The following CWC27 variants were observed in gnomAD, a reference collection of about 807,000 sequenced individuals.
CWC27 encodes CWC27 spliceosome associated cyclophilin, also known as spliceosome-associated protein CWC27 homolog.
Under a neutral mutation model 63.6 loss-of-function variants are expected in CWC27, and 47 were observed. That is an observed-to-expected ratio of 0.74 (90% CI 0.58 to 0.94). The LOEUF is 0.94. CWC27 is among the 40% of genes least tolerant of loss of function. CWC27 has a pLI of 0.00. For missense variants in CWC27, 495 were observed against 554.3 expected (o/e 0.89, Z 1.07); for synonymous variants, 175 against 179.8 (o/e 0.97, Z 0.22).
chr5:64,860,408 G>A (rs1746368817), intron 10 of CWC27, among the ~76,000 whole-genome samples: 1 of 152,120 alleles, frequency 6.6e-6, no homozygotes, highest in Non-Finnish European at 1.5e-5. Context: ...GGGGCTAAGT[G>A]CCTGTGTTAC....
At chr5:64,983,465 G>C (rs1305732415) in intron 13 of CWC27, among the ~76,000 whole-genome samples, 1 of 152,102 alleles carries the variant, frequency 6.6e-6, no homozygotes, top group Non-Finnish European at 1.5e-5. Flanking sequence ...AGACACACAG[G>C]GGTCCCCGAG....
intron 11 of CWC27, among the ~76,000 whole-genome samples, chr5:64,961,388 C>T (rs1203368865): frequency 1.3e-5 from 2 of 152,028 alleles, no homozygotes; most frequent in Non-Finnish European, 2.9e-5. Flanking sequence ...TGGACATTTC[C>T]TTCCCAAGCC....
chr5:64,912,784 A>G (rs1747817826), intron 11 of CWC27, among the ~76,000 whole-genome samples: 3 of 152,138 alleles, frequency 2.0e-5, no homozygotes, highest in South Asian at 2.1e-4. Flanking sequence ...ACCAAGACTA[A>G]TCTAAGAAGA....
At chr5:64,799,225 T>G (rs1228148978) in intron 7 of CWC27, among the ~76,000 whole-genome samples, 1 of 152,202 alleles carries the variant, frequency 6.6e-6, no homozygotes, top group African/African-American at 2.4e-5. Flanking sequence ...CTCATATACT[T>G]TAATTTGGGA....
At chr5:64,838,226 T>G (rs557456108) in intron 10 of CWC27, among the ~76,000 whole-genome samples, 5 of 152,276 alleles carry the variant, frequency 3.3e-5, no homozygotes, top group African/African-American at 1.2e-4. Flanking sequence ...TACATTCACA[T>G]GTGTGCTTTT....
rs764988150 is a variant in CWC27 at position 64,783,984 on chromosome 5, G to T, written c.396+5G>T. On this transcript the variant is annotated splice_donor_5th_base_variant and intron_variant, in intron 4 of 13. Transcript: ENST00000381070. ...AAGCATACCATCTTTGGAAAGGTTA[G>T]TGTCCAGTGATTTTAAACCTGTGGT... is the stretch of plus-strand genomic sequence containing the variant. 47 of 1,565,428 alleles carry T rather than the reference G, an allele frequency of 3.0e-5. No individual in the cohort carries two copies. The highest frequency in any genetic ancestry group is 3.8e-5 in the Non-Finnish European group (44 of 1,158,758).
chr5:64,831,432 A>T (rs1370321156), intron 10 of CWC27, among the ~76,000 whole-genome samples: 2 of 151,658 alleles, frequency 1.3e-5, no homozygotes, highest in East Asian at 3.9e-4. Context: ...ACCCTTTACA[A>T]TCTTAAAAAT....
intron 11 of CWC27, among the ~76,000 whole-genome samples, chr5:64,945,920 A>G (rs1031453757): frequency 6.6e-6 from 1 of 152,156 alleles, no homozygotes; most frequent in Non-Finnish European, 1.5e-5. Flanking sequence ...GGTTTTTTCT[A>G]TATCTTGAAT....
chr5:64,871,130 T>C (rs1746665162), intron 10 of CWC27, among the ~76,000 whole-genome samples: 1 of 152,280 alleles, frequency 6.6e-6, no homozygotes, highest in Non-Finnish European at 1.5e-5. Context: ...TCTCAAAGAA[T>C]GATTAGCACT....
chr5:64,879,165 A>C (rs959852390), intron 10 of CWC27, among the ~76,000 whole-genome samples: 1 of 152,016 alleles, frequency 6.6e-6, no homozygotes, highest in African/African-American at 2.4e-5. Context: ...CTTGACAACC[A>C]GCATTGTGGT....
chr5:64,858,031 G>A (rs1204525250), intron 10 of CWC27, among the ~76,000 whole-genome samples: 2 of 145,176 alleles, frequency 1.4e-5, no homozygotes, highest in African/African-American at 2.6e-5. Context: ...CCAGCTACTC[G>A]GGAGGCTGAG....
intron 10 of CWC27, among the ~76,000 whole-genome samples, chr5:64,871,322 T>G: frequency 6.6e-6 from 1 of 152,044 alleles, no homozygotes; most frequent in East Asian, 1.9e-4. Flanking sequence ...ATGGTAAGGA[T>G]AATATAGGGA....
chr5:65,006,232 G>T (rs959882267), intron 13 of CWC27, among the ~76,000 whole-genome samples: 2 of 152,284 alleles, frequency 1.3e-5, no homozygotes, highest in South Asian at 4.1e-4. Context: ...AGTGAACTAG[G>T]AATCTGGCTT....
At chr5:64,877,219 A>C (rs533644439) in intron 10 of CWC27, among the ~76,000 whole-genome samples, 74 of 152,232 alleles carry the variant, frequency 4.9e-4, no homozygotes, top group African/African-American at 1.8e-3. Flanking sequence ...ACACAATGGA[A>C]TATTACTTGG....
intron 11 of CWC27, among the ~76,000 whole-genome samples, chr5:64,963,040 C>T (rs1179653385): frequency 3.3e-5 from 5 of 152,126 alleles, no homozygotes; most frequent in Admixed American, 2.0e-4. Flanking sequence ...CTACAGCCTC[C>T]ACCTCCTGAG....
intron 10 of CWC27, among the ~76,000 whole-genome samples, chr5:64,884,759 G>A (rs774552366): frequency 1.1e-4 from 16 of 152,176 alleles, no homozygotes; most frequent in Non-Finnish European, 1.8e-4. Context: ...TGAATCTCCT[G>A]CCCTAAAACT....
intron 13 of CWC27, among the ~76,000 whole-genome samples, chr5:65,014,949 G>A (rs1033798430): frequency 2.6e-5 from 4 of 152,188 alleles, no homozygotes; most frequent in African/African-American, 9.6e-5. Flanking sequence ...TAGTTTGTAA[G>A]CTGATAGCCC....
intron 13 of CWC27, among the ~76,000 whole-genome samples, chr5:64,986,063 C>G (rs1271173911): frequency 6.6e-6 from 1 of 151,986 alleles, no homozygotes; most frequent in Non-Finnish European, 1.5e-5. Flanking sequence ...AAGTGGCTGA[C>G]ATTTCTTCTG....
intron 1 of CWC27, 89 bp from the exon 2 acceptor site, chr5:64,774,602 C>T (rs1283627821): frequency 2.9e-6 from 2 of 681,862 alleles, no homozygotes; most frequent in African/African-American, 3.8e-5. Context: ...AAATTGAAAA[C>T]TCACTAGTGA....
Sources: allele counts gnomAD v4.1 joint callset (sites outside exome capture counted in the v4.1 genomes callset), GRCh38; gene constraint gnomAD v4.1.1; transcripts MANE v1.5; gene names NCBI Gene and HGNC (gene_info 2026-07-23, HGNC 2026-07-21).